The following GABRG3 variants were observed in gnomAD, a reference collection of about 807,000 sequenced individuals.
GABRG3 encodes the protein gamma-aminobutyric acid receptor subunit gamma-3.
Under a neutral mutation model 48.8 loss-of-function variants are expected in GABRG3, and 25 were observed. That is an observed-to-expected ratio of 0.51 (90% CI 0.37 to 0.72). The LOEUF is 0.72. Among genes scored for constraint, GABRG3 ranks in the 30% least tolerant of loss-of-function variants. GABRG3 has a pLI of 0.00. For synonymous variants in GABRG3, 227 were observed against 217.6 expected (o/e 1.04, Z -0.38); for missense variants, 394 against 577.9 (o/e 0.68, Z 3.26).
intron 3 of GABRG3, among the ~76,000 whole-genome samples, chr15:27,059,377 G>A (rs1438923735): frequency 6.6e-6 from 1 of 152,142 alleles, no homozygotes; most frequent in Non-Finnish European, 1.5e-5. Flanking sequence ...TGGCAAAACG[G>A]ATTTTGGTGG....
At chr15:27,458,081 C>A (rs781731755) in intron 5 of GABRG3, among the ~76,000 whole-genome samples, 2 of 152,080 alleles carry the variant, frequency 1.3e-5, no homozygotes, top group South Asian at 2.1e-4. Context: ...CTGTCTCAGT[C>A]CCCCCTCCCT....
chr15:27,030,764 C>T (rs1219904019), intron 3 of GABRG3, among the ~76,000 whole-genome samples: 2 of 152,080 alleles, frequency 1.3e-5, no homozygotes, highest in Middle Eastern at 3.2e-3. Flanking sequence ...ATTGACCTTC[C>T]TGCTTGTTTG....
chr15:27,287,833 G>A (rs892262529), intron 3 of GABRG3, among the ~76,000 whole-genome samples: 1 of 150,524 alleles, frequency 6.6e-6, no homozygotes, highest in African/African-American at 2.5e-5. Flanking sequence ...CCGCCTCCTG[G>A]GTTCATACCA....
intron 5 of GABRG3, among the ~76,000 whole-genome samples, chr15:27,408,520 A>G (rs78729616): frequency 8.1e-4 from 124 of 152,278 alleles, no homozygotes; most frequent in Middle Eastern, 3.4e-3. Flanking sequence ...TATGGATCCT[A>G]TTATCATGAA....
At chr15:27,328,223 C>G (rs1893685890) in intron 4 of GABRG3, among the ~76,000 whole-genome samples, 1 of 152,070 alleles carries the variant, frequency 6.6e-6, no homozygotes, top group Non-Finnish European at 1.5e-5. Flanking sequence ...AGTTGTAAAG[C>G]CATACACCGG....
chr15:27,252,497 A>ATGC, intron 3 of GABRG3, among the ~76,000 whole-genome samples: 1 of 152,214 alleles, frequency 6.6e-6, no homozygotes, highest in South Asian at 2.1e-4. Context: ...GGTCGGTCAG[A>ATGC]ACATGATGCA....
chr15:27,341,886 CTG>C (rs935428619), intron 5 of GABRG3, among the ~76,000 whole-genome samples: 2 of 152,208 alleles, frequency 1.3e-5, no homozygotes, highest in African/African-American at 4.8e-5. Flanking sequence ...TCTCTGACAA[CTG>C]TGTTGGCTGC....
chr15:27,306,733 A>G (rs1413615016), intron 3 of GABRG3, among the ~76,000 whole-genome samples: 2 of 128,316 alleles, frequency 1.6e-5, no homozygotes, highest in African/African-American at 3.0e-5. Flanking sequence ...GTTTATATAT[A>G]AACATATACA....
intron 6 of GABRG3, among the ~76,000 whole-genome samples, chr15:27,513,243 C>T (rs184939933): frequency 0.01 from 1,575 of 151,992 alleles, 26 homozygotes; most frequent in African/African-American, 0.036. Flanking sequence ...GTCAGGAGAT[C>T]GAGACCATCC....
At chr15:27,085,927 G>A (rs1476445862) in intron 3 of GABRG3, among the ~76,000 whole-genome samples, 8 of 152,194 alleles carry the variant, frequency 5.3e-5, no homozygotes, top group Admixed American at 3.9e-4. Context: ...ATAGTGACCT[G>A]TGTACTTTAT....
chr15:27,304,169 TG>T (rs894245442), intron 3 of GABRG3, among the ~76,000 whole-genome samples: 11 of 151,950 alleles, frequency 7.2e-5, no homozygotes, highest in Non-Finnish European at 1.5e-4. Context: ...TTAAGCTTAG[TG>T]GCAAACTCAA....
intron 5 of GABRG3, among the ~76,000 whole-genome samples, chr15:27,402,674 G>A (rs952331519): frequency 6.6e-6 from 1 of 152,208 alleles, no homozygotes; most frequent in Admixed American, 6.5e-5. Flanking sequence ...TACCCAGAAT[G>A]AAATGCAAAT....
At chr15:27,514,051 T>C (rs939997310) in intron 6 of GABRG3, among the ~76,000 whole-genome samples, 1 of 152,198 alleles carries the variant, frequency 6.6e-6, no homozygotes, top group Non-Finnish European at 1.5e-5. Flanking sequence ...TAAATGAGGA[T>C]GCATAATTTA....
intron 3 of GABRG3, among the ~76,000 whole-genome samples, chr15:27,059,494 C>T (rs1305603678): frequency 6.6e-6 from 1 of 152,220 alleles, no homozygotes; most frequent in South Asian, 2.1e-4. Context: ...GCTGTTATAA[C>T]ACTTTTATTC....
intron 6 of GABRG3, among the ~76,000 whole-genome samples, chr15:27,500,325 C>G (rs1890590104): frequency 6.6e-6 from 1 of 152,172 alleles, no homozygotes; most frequent in African/African-American, 2.4e-5. Context: ...GAAGCCAAGA[C>G]AGCACCCGAC....
chr15:27,163,229 G>A lies in GABRG3; in HGVS notation c.270+136408G>A, dbSNP rs574664133. ...CTAAATTAAATCTAGGCTGGGCACC[G>A]TGGCTCATGCCTGTAGTTCCAACAC... On this transcript the variant is annotated intron_variant, in intron 3 of 9. Coordinates refer to ENST00000615808, the MANE Select transcript of GABRG3 (RefSeq NM_033223.5). Among the ~76,000 whole-genome samples the A allele has an allele frequency of 6.9e-4, 105 of 152,212 alleles. 1 individual carries two copies. The highest frequency in any genetic ancestry group is 2.4e-3 in the African/African-American group (100 of 41,542).
intron 5 of GABRG3, among the ~76,000 whole-genome samples, chr15:27,338,631 C>A (rs533283606): frequency 6.6e-5 from 10 of 152,262 alleles, no homozygotes; most frequent in African/African-American, 2.2e-4. Flanking sequence ...TCAGTGCCCC[C>A]AGGGAGGCAC....
chr15:27,472,938 C>A (rs1329656286), intron 5 of GABRG3, among the ~76,000 whole-genome samples: 4 of 152,090 alleles, frequency 2.6e-5, no homozygotes, highest in Non-Finnish European at 5.9e-5. Flanking sequence ...GGATTATACT[C>A]ATGAATTTCT....
At chr15:27,110,848 G>C (rs757980971) in intron 3 of GABRG3, among the ~76,000 whole-genome samples, 1 of 152,110 alleles carries the variant, frequency 6.6e-6, no homozygotes, top group Non-Finnish European at 1.5e-5. Flanking sequence ...TGCAGTTTGA[G>C]TATGAAATGT....
Sources: gnomAD v4.1 joint callset for allele counts (sites outside exome capture counted in the v4.1 genomes callset) on GRCh38, gnomAD v4.1.1 for gene constraint, MANE v1.5 for transcripts, NCBI Gene and HGNC (gene_info 2026-07-23, HGNC 2026-07-21) for gene names.